The following MMP26 variants were observed in gnomAD, a reference collection of about 807,000 sequenced individuals.
MMP26 encodes the protein matrix metallopeptidase 26, also known as matrix metalloproteinase-26.
Under a neutral mutation model 31.0 loss-of-function variants are expected in MMP26, and 33 were observed. The observed-to-expected ratio is 1.06, with a 90% CI of 0.81 to 1.42. MMP26 has a LOEUF of 1.42. Ranked by LOEUF, MMP26 falls within the 40% of genes most tolerant of loss-of-function variation. The pLI is 0.00. For synonymous variants in MMP26, 122 were observed against 114.9 expected (o/e 1.06, Z -0.40); for missense variants, 347 against 316.1 (o/e 1.10, Z -0.74).
intron 2 of MMP26, chr11:4,923,262 G>C (rs1177899784): frequency 9.3e-7 from 1 of 1,073,386 alleles, no homozygotes; most frequent in African/African-American, 1.6e-5. Flanking sequence ...ATGTTGCACA[G>C]CCAATTGCCT....
At chr11:4,822,654 A>G (rs17328143) in intron 2 of MMP26, among the ~76,000 whole-genome samples, 15,821 of 152,280 alleles carry the variant, frequency 0.1, 1,016 homozygotes, top group Middle Eastern at 0.17. Context: ...CAGGCTCTGT[A>G]TACAATTATA....
At position 4,904,858 on chromosome 11, in the gene MMP26, C is replaced by T. The variant is rs183327828; in HGVS notation, c.-144-83210C>T. On this transcript the variant is annotated intron_variant, in intron 2 of 7. Coordinates refer to ENST00000380390, the MANE Select transcript of MMP26 (RefSeq NM_021801.5). Reference sequence around the variant, plus strand: ...TTTGCTGAGAGCCTTTTATATTCCACGTGTCATGTTGATGACAGATACATG... The same window carrying T: ...TTTGCTGAGAGCCTTTTATATTCCATGTGTCATGTTGATGACAGATACATG... 7.8e-4 allele frequency among the ~76,000 whole-genome samples: 119 copies of T among 152,224 alleles called. 1 individual carries two copies. Among genetic ancestry groups the T allele is most frequent in the Non-Finnish European group, 1.5e-3 (99 of 67,974 alleles).
Position 4,954,113 on chromosome 11 carries a change from A to G in MMP26, c.-144-33955A>G, listed in dbSNP as rs1197821501. ...TAAAGAAGTGAGAGTTCAAATTTAA[A>G]AGAGGCACTCATATATTCAGTTTGC... On this transcript the variant is annotated intron_variant, in intron 2 of 7. Coordinates refer to ENST00000380390, the MANE Select transcript of MMP26 (RefSeq NM_021801.5). Among the ~76,000 whole-genome samples, 2 of 125,956 alleles carry G rather than the reference A, an allele frequency of 1.6e-5. 1 individual carries two copies. Among genetic ancestry groups the G allele is most frequent in the Non-Finnish European group, 3.6e-5 (2 of 55,588 alleles). The allele number at this position is 125,956 out of a possible 152,430, so 82.6% of individuals were successfully genotyped here. A position where few individuals can be genotyped will look rare whatever the true frequency, so the allele number is the denominator to read the frequency against.
intron 2 of MMP26, among the ~76,000 whole-genome samples, chr11:4,845,995 G>T (rs1849861642): frequency 6.6e-6 from 1 of 152,106 alleles, no homozygotes; most frequent in South Asian, 2.1e-4. Flanking sequence ...ATGGTTTAGA[G>T]GTTCCTCAAT....
chr11:4,946,302 G>A (rs2595988), intron 2 of MMP26: 21 of 1,608,372 alleles, frequency 1.3e-5, no homozygotes, highest in East Asian at 1.1e-4. Context: ...GAGACATGCC[G>A]GGCAAAGCGG....
intron 2 of MMP26, among the ~76,000 whole-genome samples, chr11:4,953,106 A>C (rs1175350525): frequency 8.0e-6 from 1 of 125,732 alleles, no homozygotes; most frequent in Non-Finnish European, 1.8e-5. Flanking sequence ...AATCTAAAGC[A>C]ATAAATTTCT....
chr11:4,825,791 C>T (rs1157041895), intron 2 of MMP26, among the ~76,000 whole-genome samples: 1 of 152,106 alleles, frequency 6.6e-6, no homozygotes, highest in Non-Finnish European at 1.5e-5. Flanking sequence ...TGATAATGTG[C>T]TTCCAGGGAC....
chr11:4,757,001 A>G, intron 1 of MMP26, among the ~76,000 whole-genome samples: 1 of 152,088 alleles, frequency 6.6e-6, no homozygotes, highest in East Asian at 1.9e-4. Context: ...TTTTCTGTAA[A>G]AACTGACACT....
intron 2 of MMP26, among the ~76,000 whole-genome samples, chr11:4,789,171 T>C (rs1227339563): frequency 3.3e-5 from 5 of 152,222 alleles, no homozygotes; most frequent in Non-Finnish European, 5.9e-5. Flanking sequence ...GGATGTTGAA[T>C]ATATGTAACT....
At chr11:4,806,475 A>C (rs551089944) in intron 2 of MMP26, among the ~76,000 whole-genome samples, 6 of 151,998 alleles carry the variant, frequency 3.9e-5, no homozygotes, top group Non-Finnish European at 7.4e-5. Context: ...ACCATTATGT[A>C]ATGGGCTTCT....
intron 2 of MMP26, among the ~76,000 whole-genome samples, chr11:4,931,941 C>T (rs1355789942): frequency 6.6e-6 from 1 of 151,988 alleles, no homozygotes; most frequent in Admixed American, 6.6e-5. Flanking sequence ...AGCTAGCACA[C>T]GTTCGGTTCT....
At chr11:4,777,616 A>C (rs532754254) in intron 2 of MMP26, among the ~76,000 whole-genome samples, 77 of 152,262 alleles carry the variant, frequency 5.1e-4, no homozygotes, top group African/African-American at 1.7e-3. Flanking sequence ...AGATATTTCA[A>C]CCATTATTCC....
intron 2 of MMP26, chr11:4,923,520 C>A (rs1373100381): frequency 1.2e-6 from 2 of 1,614,092 alleles, no homozygotes; most frequent in South Asian, 2.2e-5. Context: ...AAGAGGTGTA[C>A]AACGCGGGGC....
intron 2 of MMP26, among the ~76,000 whole-genome samples, chr11:4,894,936 G>T (rs182263543): frequency 6.6e-6 from 1 of 152,154 alleles, no homozygotes; most frequent in South Asian, 2.1e-4. Context: ...GAGCTCTGTG[G>T]CATAATTTAT....
chr11:4,792,611 C>T (rs1430367717), intron 2 of MMP26, among the ~76,000 whole-genome samples: 1 of 152,166 alleles, frequency 6.6e-6, no homozygotes, highest in East Asian at 1.9e-4. Context: ...GTAGAATGCA[C>T]TACTTATCAA....
At chr11:4,817,443 T>C (rs1047051663) in intron 2 of MMP26, among the ~76,000 whole-genome samples, 3 of 151,926 alleles carry the variant, frequency 2.0e-5, no homozygotes, top group African/African-American at 7.3e-5. Flanking sequence ...TACATAAAGG[T>C]AGGTGTGGTG....
intron 2 of MMP26, among the ~76,000 whole-genome samples, chr11:4,948,772 C>T (rs1846344430): frequency 8.0e-6 from 1 of 124,560 alleles, no homozygotes; most frequent in Admixed American, 9.0e-5. Flanking sequence ...GAATGTATTA[C>T]CATAACCTTC....
intron 4 of MMP26, 124 bp from the exon 5 acceptor site, chr11:4,990,474 A>G: frequency 1.1e-6 from 1 of 912,186 alleles, no homozygotes; most frequent in East Asian, 2.7e-5. Flanking sequence ...GCTCAACTTT[A>G]TAAATAACCA....
intron 2 of MMP26, chr11:4,804,458 T>A: frequency 8.8e-7 from 1 of 1,136,480 alleles, no homozygotes. Context: ...GTGTTATTAT[T>A]ATATACAAGG....
Sources: allele counts gnomAD v4.1 joint callset (sites outside exome capture counted in the v4.1 genomes callset), GRCh38; gene constraint gnomAD v4.1.1; transcripts MANE v1.5; gene names NCBI Gene and HGNC (gene_info 2026-07-23, HGNC 2026-07-21).